RASEF: variants seen among roughly 807,000 people sequenced by gnomAD.
RASEF encodes the protein RAS and EF-hand domain containing, also known as ras and EF-hand domain-containing protein.
RASEF carries 68 observed loss-of-function variants against 90.1 expected under a neutral mutation model. That is an observed-to-expected ratio of 0.75 (90% CI 0.62 to 0.92). RASEF has a LOEUF of 0.92. RASEF is among the 40% of genes least tolerant of loss of function. The probability of loss-of-function intolerance (pLI) is 0.00; values close to 1 mark genes in which losing one functional copy is unlikely to be tolerated. For synonymous variants in RASEF, 331 were observed against 345.2 expected (o/e 0.96, Z 0.46); for missense variants, 949 against 937.2 (o/e 1.01, Z -0.16).
At chr9:83,128,456 T>C in the RASEF span, among the ~76,000 whole-genome samples, 6 of 150,248 alleles carry the variant, frequency 4.0e-5, no homozygotes, top group Non-Finnish European at 8.9e-5. Context: ...GGTACCTTTG[T>C]TTTAGCCTTT....
chr9:83,062,370 C>T, intron 1 of RASEF, 67 bp downstream of exon 1: 1 of 1,527,464 alleles, frequency 6.5e-7, no homozygotes. Context: ...TGCACACCTG[C>T]AAGTAAGTGG....
At chr9:83,058,478 G>A (rs1229975540) in intron 1 of RASEF, among the ~76,000 whole-genome samples, 8 of 147,978 alleles carry the variant, frequency 5.4e-5, no homozygotes, top group Middle Eastern at 3.4e-3. Flanking sequence ...CACCGCGCCC[G>A]GCCGTATTTA....
At chr9:83,092,641 C>T in the RASEF span, among the ~76,000 whole-genome samples, 19 of 152,206 alleles carry the variant, frequency 1.2e-4, no homozygotes, top group African/African-American at 2.2e-4. Flanking sequence ...TTGCAAAGAG[C>T]GAAAGAACAA....
At chr9:83,079,415 G>A in the RASEF span, among the ~76,000 whole-genome samples, 1 of 152,096 alleles carries the variant, frequency 6.6e-6, no homozygotes, top group Non-Finnish European at 1.5e-5. Flanking sequence ...GCCTGTTTTT[G>A]TACCAGTACC....
the RASEF span, among the ~76,000 whole-genome samples, chr9:83,167,153 A>G: frequency 6.6e-6 from 1 of 152,248 alleles, no homozygotes; most frequent in Admixed American, 6.5e-5. Flanking sequence ...AAAGGCTTAG[A>G]ACAGTGCCTG....
intron 1 of RASEF, among the ~76,000 whole-genome samples, chr9:83,045,586 T>C (rs1245695385): frequency 2.0e-5 from 3 of 152,216 alleles, no homozygotes; most frequent in African/African-American, 4.8e-5. Context: ...ATTATCCTTT[T>C]AGACCAACAC....
intron 1 of RASEF, among the ~76,000 whole-genome samples, chr9:83,032,100 CT>C (rs1407118357): frequency 6.6e-6 from 1 of 152,184 alleles, no homozygotes; most frequent in Non-Finnish European, 1.5e-5. Flanking sequence ...CTGTGGATTT[CT>C]CAACTCAATA....
intron 16 of RASEF, among the ~76,000 whole-genome samples, chr9:82,988,816 G>A (rs933358738): frequency 6.6e-6 from 1 of 152,120 alleles, no homozygotes; most frequent in African/African-American, 2.4e-5. Flanking sequence ...TGAGCCAATT[G>A]AACCTATTTT....
chr9:83,190,202 G>C, the RASEF span, among the ~76,000 whole-genome samples: 1 of 152,164 alleles, frequency 6.6e-6, no homozygotes, highest in African/African-American at 2.4e-5. Context: ...AACGCTGTAT[G>C]TACTCCTGTA....
chr9:83,158,436 C>T, the RASEF span, among the ~76,000 whole-genome samples: 2 of 151,118 alleles, frequency 1.3e-5, no homozygotes, highest in African/African-American at 2.4e-5. Flanking sequence ...GAGAAATGTA[C>T]TAGAAATTGG....
the RASEF span, among the ~76,000 whole-genome samples, chr9:83,156,870 G>A: frequency 3.3e-5 from 5 of 152,332 alleles, no homozygotes; most frequent in South Asian, 2.1e-4. Flanking sequence ...ATTTTGTCTA[G>A]TAATGTGTAA....
chr9:83,195,244 A>C, the RASEF span, among the ~76,000 whole-genome samples: 1 of 152,164 alleles, frequency 6.6e-6, no homozygotes, highest in Non-Finnish European at 1.5e-5. Context: ...CACCCATGGG[A>C]GGTAGTGTGA....
At chr9:83,081,289 T>C in the RASEF span, among the ~76,000 whole-genome samples, 1 of 152,210 alleles carries the variant, frequency 6.6e-6, no homozygotes, top group Non-Finnish European at 1.5e-5. Context: ...AAGCATGAAA[T>C]CAGTCTTTTT....
chr9:83,035,552 T>C (rs1829725444), intron 1 of RASEF, among the ~76,000 whole-genome samples: 1 of 152,200 alleles, frequency 6.6e-6, no homozygotes, highest in Non-Finnish European at 1.5e-5. Flanking sequence ...GCTATACGTG[T>C]GTACATGTAT....
At chr9:83,214,093 C>T in the RASEF span, among the ~76,000 whole-genome samples, 1 of 152,126 alleles carries the variant, frequency 6.6e-6, no homozygotes, top group African/African-American at 2.4e-5. Flanking sequence ...GAGACCTCAT[C>T]CTTAAATATT....
the RASEF span, among the ~76,000 whole-genome samples, chr9:83,206,308 T>C: frequency 6.6e-6 from 1 of 152,072 alleles, no homozygotes; most frequent in Admixed American, 6.6e-5. Flanking sequence ...TTAATCTTTG[T>C]TTTTAATCTA....
At chr9:83,187,554 G>C in the RASEF span, among the ~76,000 whole-genome samples, 1 of 152,130 alleles carries the variant, frequency 6.6e-6, no homozygotes, top group Non-Finnish European at 1.5e-5. Flanking sequence ...ATGATATTAA[G>C]TCAATTAAAT....
chr9:83,125,249 A>G, the RASEF span, among the ~76,000 whole-genome samples: 9 of 152,146 alleles, frequency 5.9e-5, no homozygotes, highest in Non-Finnish European at 1.2e-4. Context: ...AACAGTGGAC[A>G]AGGAACATCT....
chr9:83,105,985 C>T, the RASEF span, among the ~76,000 whole-genome samples: 1 of 152,238 alleles, frequency 6.6e-6, no homozygotes, highest in East Asian at 1.9e-4. Context: ...TGACCACTCC[C>T]CTCAAAGAGA....
Sources: allele counts gnomAD v4.1 joint callset (sites outside exome capture counted in the v4.1 genomes callset), GRCh38; gene constraint gnomAD v4.1.1; transcripts MANE v1.5; gene names NCBI Gene and HGNC (gene_info 2026-07-23, HGNC 2026-07-21).